Variants in PPWD1 observed in about 807,000 individuals in gnomAD.
PPWD1 encodes the protein peptidylprolyl isomerase domain and WD repeat containing 1, also known as peptidylprolyl isomerase domain and WD repeat-containing protein 1.
In PPWD1, 43 loss-of-function variants were observed where a neutral mutation model predicts 68.8. That is an observed-to-expected ratio of 0.62 (90% CI 0.49 to 0.81). PPWD1 has a LOEUF of 0.81. Among genes scored for constraint, PPWD1 ranks in the 30% least tolerant of loss-of-function variants. PPWD1 has a pLI of 0.00. For synonymous variants in PPWD1, 232 were observed against 258.7 expected, an observed-to-expected ratio of 0.90 and a Z score of 0.99; for missense variants, 672 against 804.8, an observed-to-expected ratio of 0.83 and a Z score of 2.00.
chr5:65,569,827 C>T (rs748390907), intron 3 of PPWD1, 51 bp from the exon 4 acceptor site: 6 of 1,567,566 alleles, frequency 3.8e-6, no homozygotes, highest in Middle Eastern at 3.4e-4. Flanking sequence ...ATCATGCACA[C>T]TTATTTTACT....
chr5:65,576,781 T>A, intron 5 of PPWD1, 98 bp from the exon 6 acceptor site: 1 of 1,463,238 alleles, frequency 6.8e-7, no homozygotes, highest in South Asian at 1.5e-5. Flanking sequence ...TGTATTCTGC[T>A]TCTATTTAAA....
chr5:65,570,354 A>G (rs774868300), intron 4 of PPWD1: 36 of 873,370 alleles, frequency 4.1e-5, no homozygotes, highest in Non-Finnish European at 4.9e-5. Flanking sequence ...TTCCTATAAG[A>G]TTTATTCACA....
At chr5:65,580,241 A>G (rs905307011) in intron 7 of PPWD1, among the ~76,000 whole-genome samples, 25 of 152,302 alleles carry the variant, frequency 1.6e-4, no homozygotes, top group African/African-American at 2.2e-4. Flanking sequence ...ATCCTTCACA[A>G]TGGAATCAGA....
At chr5:65,567,729 T>G in intron 2 of PPWD1, 114 bp downstream of exon 2, 1 of 1,370,896 alleles carries the variant, frequency 7.3e-7, no homozygotes, top group South Asian at 2.0e-5. Flanking sequence ...ATTTTTAATT[T>G]CTTAAGTTCT....
At chr5:65,564,179 CTT>C (rs1170088103) in intron 1 of PPWD1, among the ~76,000 whole-genome samples, 4 of 152,022 alleles carry the variant, frequency 2.6e-5, no homozygotes, top group African/African-American at 9.7e-5. Flanking sequence ...GTTTTCTTGT[CTT>C]TGTTGTTTTG....
chr5:65,563,356 C>G lies in PPWD1; in HGVS notation c.46C>G (p.Arg16Gly). 6.2e-7 allele frequency: 1 copy of G among 1,614,000 alleles called. No homozygotes were observed. Among genetic ancestry groups the G allele is most frequent in the Non-Finnish European group, 8.5e-7 (1 of 1,179,988 alleles). ...GSDFQQRRRR[R>G]RDPEEPEKTE... ...CGATTTTCAGCAGAGACGTAGAAGG[C>G]GCCGGGACCCGGAGGAACCGGAAAA... Residue 16 changes from arginine (R) to glycine (G), a missense_variant, in exon 1 of 11, where the codon CGC becomes GGC. Arg to Gly is a moderately radical substitution (Grantham distance 125). Transcript: ENST00000261308.
chr5:65,563,536 T>C, intron 1 of PPWD1, 30 bp downstream of exon 1: 4 of 1,585,514 alleles, frequency 2.5e-6, no homozygotes, highest in Non-Finnish European at 3.4e-6. Context: ...CGGGACGAAT[T>C]GGAGTGCTGC....
chr5:65,577,230 TTGGTTGTTTATAATCTTA>T (rs1753340399), intron 6 of PPWD1, among the ~76,000 whole-genome samples, 161 bp downstream of exon 6: 1 of 152,220 alleles, frequency 6.6e-6, no homozygotes, highest in African/African-American at 2.4e-5. Flanking sequence ...CTGTGGTCTC[TTGGTTGTTTATAATCTTA>T]TGTAGAAAGT....
chr5:65,569,180 A>T (rs1752902725), intron 2 of PPWD1, among the ~76,000 whole-genome samples: 1 of 152,058 alleles, frequency 6.6e-6, no homozygotes, highest in South Asian at 2.1e-4. Context: ...TCTTTTTGAT[A>T]CTTAAGTAAC....
intron 7 of PPWD1, chr5:65,582,711 C>A: frequency 1.2e-5 from 2 of 171,546 alleles, no homozygotes; most frequent in Admixed American, 5.9e-5. Flanking sequence ...CATGTTAGGC[C>A]TTACTAGAAG....
intron 7 of PPWD1, among the ~76,000 whole-genome samples, chr5:65,581,752 CA>C (rs1046130873): frequency 3.9e-5 from 6 of 151,980 alleles, no homozygotes; most frequent in Admixed American, 1.3e-4. Context: ...AATAGAGAAA[CA>C]AAATAAGTCA....
chr5:65,571,051 T>C (rs1752988404), intron 4 of PPWD1, among the ~76,000 whole-genome samples: 1 of 152,200 alleles, frequency 6.6e-6, no homozygotes, highest in Admixed American at 6.5e-5. Flanking sequence ...TCACCTGTCC[T>C]ACTCCCCAGG....
Position 65,576,926 on chromosome 5 carries a change from AT to A in PPWD1, c.1020del (p.Phe340LeufsTer7). ...QMRQQLPDME[F>X]GRRMAVEREL... is the part of the protein sequence containing the mutation. ...TGAGGCAACAGTTACCAGACATGGAATTTGGCCGACGAATGGCTGTAGAACG... is the reference window on the plus strand; with the variant it reads ...TGAGGCAACAGTTACCAGACATGGAATTGGCCGACGAATGGCTGTAGAACG... On this transcript the variant is annotated frameshift_variant, in exon 6 of 11. Coordinates refer to ENST00000261308, the MANE Select transcript of PPWD1 (RefSeq NM_015342.4). LOFTEE classifies it high-confidence loss of function. 2 of 1,614,180 alleles carry A rather than the reference AT, an allele frequency of 1.2e-6. No individual in the cohort carries two copies. The highest frequency in any genetic ancestry group is 1.7e-6 in the Non-Finnish European group (2 of 1,180,000).
At chr5:65,581,703 G>A (rs71626585) in intron 7 of PPWD1, among the ~76,000 whole-genome samples, 7,486 of 152,240 alleles carry the variant, frequency 0.049, 334 homozygotes, top group African/African-American at 0.1. Context: ...TTACTTGTGT[G>A]TTGATCAAAG....
chr5:65,575,867 T>C (rs1186403791), intron 5 of PPWD1, among the ~76,000 whole-genome samples: 3 of 152,240 alleles, frequency 2.0e-5, no homozygotes, highest in East Asian at 3.8e-4. Flanking sequence ...TGAAATATTA[T>C]GAATTTGTTA....
chr5:65,584,725 T>C (rs1753745818), intron 8 of PPWD1, among the ~76,000 whole-genome samples: 2 of 152,198 alleles, frequency 1.3e-5, no homozygotes, highest in Admixed American at 1.3e-4. Context: ...GTGCTATGGC[T>C]GTATTTTTTT....
chr5:65,577,106 G>T, intron 6 of PPWD1, 37 bp downstream of exon 6: 2 of 1,573,484 alleles, frequency 1.3e-6, no homozygotes, highest in Non-Finnish European at 1.7e-6. Context: ...TTAAAAATGT[G>T]TTTGTGGGGG....
At chr5:65,566,868 C>G (rs1200273605) in intron 1 of PPWD1, among the ~76,000 whole-genome samples, 4 of 146,432 alleles carry the variant, frequency 2.7e-5, no homozygotes, top group Non-Finnish European at 6.0e-5. Context: ...TATAATAAAT[C>G]AGTATTTCCT....
Position 65,569,590 on chromosome 5 carries a change from G to A in PPWD1, c.300-42G>A, listed in dbSNP as rs200283546. 381 of 1,516,566 alleles carry A rather than the reference G, an allele frequency of 2.5e-4. 3 individuals are homozygous for A. The East Asian group carries it at 3.9e-3, about 16-fold the overall frequency. The allele number at this position is 1,516,566 out of a possible 1,614,324, so 93.9% of individuals were successfully genotyped here. On this transcript the variant is annotated intron_variant, in intron 2 of 10. Transcript: ENST00000261308. ...CTTTGGGAATACTAAGTGATTCATA[G>A]ATCTGTCTTAGAAATTAACTTTTAA...
Sources: gnomAD v4.1 joint callset for allele counts (sites outside exome capture counted in the v4.1 genomes callset) on GRCh38, gnomAD v4.1.1 for gene constraint, MANE v1.5 for transcripts, NCBI Gene and HGNC (gene_info 2026-07-23, HGNC 2026-07-21) for gene names.